The following GAB2 variants were observed in gnomAD, a reference collection of about 807,000 sequenced individuals.
GAB2 encodes GRB2-associated-binding protein 2.
GAB2 carries 26 observed loss-of-function variants against 65.5 expected under a neutral mutation model. The ratio of observed to expected loss-of-function variants is 0.40; its 90% CI spans 0.29 to 0.55. GAB2 has a LOEUF of 0.55. Among genes scored for constraint, GAB2 ranks in the 20% least tolerant of loss-of-function variants. The pLI, the probability that GAB2 is intolerant of heterozygous loss-of-function variation, is 0.53. For synonymous variants in GAB2, 321 were observed against 329.6 expected, an observed-to-expected ratio of 0.97 and a Z score of 0.28; for missense variants, 884 against 875.8, an observed-to-expected ratio of 1.01 and a Z score of -0.12.
At chr11:78,275,781 C>T (rs1157864808) in intron 2 of GAB2, among the ~76,000 whole-genome samples, 2 of 151,994 alleles carry the variant, frequency 1.3e-5, no homozygotes, top group African/African-American at 4.8e-5. Flanking sequence ...AAAACACACA[C>T]AGATATATAT....
chr11:78,392,754 G>A (rs1179004867), intron 1 of GAB2, among the ~76,000 whole-genome samples: 1 of 152,000 alleles, frequency 6.6e-6, no homozygotes, highest in East Asian at 1.9e-4. Context: ...ACATCTTTAG[G>A]CCTTTAAACT....
chr11:78,230,030 T>C (rs1007837), intron 3 of GAB2, among the ~76,000 whole-genome samples: 44,965 of 152,170 alleles, frequency 0.3, 8,706 homozygotes, highest in African/African-American at 0.54. Flanking sequence ...TACTTATCTC[T>C]GCCAACAGAC....
rs533072434 is a variant in GAB2 at position 78,303,427 on chromosome 11, C to A, written c.76-22526G>T. Among the ~76,000 whole-genome samples the A allele has an allele frequency of 2.3e-4, 35 of 152,158 alleles. 1 individual carries two copies. The South Asian group carries it at 3.7e-3, about 16-fold the overall frequency. Reference sequence around the variant, plus strand: ...AGCAGCATTTGTTGAAAAGAAATATCCTTTTCTTATCAAATTACCTTTGCA... The same window carrying A: ...AGCAGCATTTGTTGAAAAGAAATATACTTTTCTTATCAAATTACCTTTGCA... On this transcript the variant is annotated intron_variant, in intron 1 of 9. Transcript: ENST00000361507.
chr11:78,312,862 C>T (rs1270968182), intron 1 of GAB2, among the ~76,000 whole-genome samples: 2 of 152,164 alleles, frequency 1.3e-5, no homozygotes, highest in Admixed American at 1.3e-4. Flanking sequence ...CTCACCAAGA[C>T]CTGCCCCACG....
At chr11:78,246,133 T>C (rs1296482147) in intron 3 of GAB2, among the ~76,000 whole-genome samples, 1 of 152,024 alleles carries the variant, frequency 6.6e-6, no homozygotes, top group Non-Finnish European at 1.5e-5. Flanking sequence ...GGTTTCACCA[T>C]GTTGGCCAGG....
In GAB2 at chr11:78,218,991, A is replaced by ACC; in HGVS notation, c.*280_*281insGG. 2.4e-6 allele frequency: 1 copy of ACC among 409,328 alleles called. No homozygotes were observed. The highest frequency in any genetic ancestry group is 4.4e-6 in the Non-Finnish European group (1 of 225,556). 25.4% of individuals were successfully genotyped at this position (409,328 alleles called of 1,614,324 possible). A position where few individuals can be genotyped will look rare whatever the true frequency, so the allele number is the denominator to read the frequency against. ...AGGTCTAAAGGACAGGAAGAGGCTGAAGGATGCTTTTTGGAAGTAGCTCCT... is the reference window on the plus strand; with the variant it reads ...AGGTCTAAAGGACAGGAAGAGGCTGACCAGGATGCTTTTTGGAAGTAGCTCCT... On this transcript the variant is annotated 3_prime_UTR_variant, in exon 10 of 10. Coordinates refer to ENST00000361507, the MANE Select transcript of GAB2 (RefSeq NM_080491.3).
At chr11:78,242,373 G>A (rs1021035737) in intron 3 of GAB2, among the ~76,000 whole-genome samples, 1 of 151,948 alleles carries the variant, frequency 6.6e-6, no homozygotes, top group Non-Finnish European at 1.5e-5. Flanking sequence ...GTGGTGGCGG[G>A]CACCTGTAGT....
At chr11:78,397,555 G>C (rs574460299) in intron 1 of GAB2, among the ~76,000 whole-genome samples, 1 of 152,196 alleles carries the variant, frequency 6.6e-6, no homozygotes, top group Non-Finnish European at 1.5e-5. Context: ...TTAGTCCTAA[G>C]AACATATGAG....
intron 1 of GAB2, among the ~76,000 whole-genome samples, chr11:78,346,710 TATATATATATA>T (rs1413414242): frequency 1.0e-4 from 9 of 86,474 alleles, no homozygotes; most frequent in Non-Finnish European, 1.6e-4. Context: ...TATATATATA[TATATATATATA>T]ATTTTTTTTT....
At chr11:78,341,601 A>G (rs759701566) in intron 1 of GAB2, among the ~76,000 whole-genome samples, 12 of 152,214 alleles carry the variant, frequency 7.9e-5, no homozygotes, top group Non-Finnish European at 2.9e-5. Flanking sequence ...ATATCATTTA[A>G]TGCCTATCCT....
At chr11:78,306,324 A>G (rs1380613916) in intron 1 of GAB2, among the ~76,000 whole-genome samples, 2 of 152,078 alleles carry the variant, frequency 1.3e-5, no homozygotes, top group Non-Finnish European at 2.9e-5. Context: ...TCCGCCTCCC[A>G]GGTTCAAGCA....
intron 3 of GAB2, among the ~76,000 whole-genome samples, chr11:78,244,944 TG>T (rs898994580): frequency 6.6e-6 from 1 of 152,228 alleles, no homozygotes; most frequent in Admixed American, 6.5e-5. Context: ...GGTATATATC[TG>T]AAGGAAAGGA....
At chr11:78,329,329 C>G (rs1276749919) in intron 1 of GAB2, among the ~76,000 whole-genome samples, 1 of 152,082 alleles carries the variant, frequency 6.6e-6, no homozygotes, top group Non-Finnish European at 1.5e-5. Context: ...TTACACTTAA[C>G]TTTTTACAAG....
chr11:78,417,579 T>C, intron 1 of GAB2, 67 bp downstream of exon 1: 2 of 807,262 alleles, frequency 2.5e-6, no homozygotes, highest in Non-Finnish European at 3.2e-6. Flanking sequence ...CCTCCGGGAG[T>C]CCCCCGCCCC....
intron 1 of GAB2, among the ~76,000 whole-genome samples, chr11:78,345,091 G>A (rs1006898954): frequency 2.0e-5 from 3 of 152,090 alleles, no homozygotes; most frequent in South Asian, 2.1e-4. Context: ...ACCAGCCCGC[G>A]CAACATGGCA....
chr11:78,406,240 C>G (rs554738424), intron 1 of GAB2, among the ~76,000 whole-genome samples: 9 of 152,316 alleles, frequency 5.9e-5, no homozygotes, highest in Non-Finnish European at 1.2e-4. Flanking sequence ...AATGAAAAAC[C>G]TGGACTTCAA....
intron 1 of GAB2, among the ~76,000 whole-genome samples, chr11:78,330,401 T>G (rs1855895147): frequency 6.6e-6 from 1 of 152,190 alleles, no homozygotes; most frequent in Non-Finnish European, 1.5e-5. Flanking sequence ...GGCTTTGCGT[T>G]TTGGAGTTTT....
intron 3 of GAB2, among the ~76,000 whole-genome samples, chr11:78,246,398 T>C (rs919228254): frequency 6.6e-6 from 1 of 152,216 alleles, no homozygotes; most frequent in Non-Finnish European, 1.5e-5. Flanking sequence ...TTTTCTGGTT[T>C]TCAATATGCT....
At chr11:78,224,475 AC>A (rs1159381589) in intron 5 of GAB2, among the ~76,000 whole-genome samples, 3 of 152,178 alleles carry the variant, frequency 2.0e-5, no homozygotes, top group African/African-American at 7.2e-5. Context: ...CTAGGGGACC[AC>A]CAAGCTGCAG....
Sources: gnomAD v4.1 joint callset for allele counts (sites outside exome capture counted in the v4.1 genomes callset) on GRCh38, gnomAD v4.1.1 for gene constraint, MANE v1.5 for transcripts, NCBI Gene and HGNC (gene_info 2026-07-23, HGNC 2026-07-21) for gene names.